The following GRM8 variants were observed in gnomAD, a reference collection of about 807,000 sequenced individuals.
The protein encoded by GRM8 is glutamate metabotropic receptor 8.
In GRM8, 47 loss-of-function variants were observed where a neutral mutation model predicts 87.2. The observed-to-expected ratio is 0.54, with a 90% CI of 0.43 to 0.69. The LOEUF (loss-of-function observed/expected upper bound fraction) is 0.69, where lower values mean the gene tolerates loss of function less well. Among genes scored for constraint, GRM8 ranks in the 30% least tolerant of loss-of-function variants. The pLI, the probability that GRM8 is intolerant of heterozygous loss-of-function variation, is 0.00. For synonymous variants in GRM8, 396 were observed against 404.5 expected (o/e 0.98, Z 0.25); for missense variants, 1,019 against 1,139.2 (o/e 0.89, Z 1.52).
intron 8 of GRM8, among the ~76,000 whole-genome samples, chr7:126,594,811 ACAT>A (rs750282667): frequency 2.0e-5 from 3 of 152,180 alleles, no homozygotes; most frequent in Non-Finnish European, 4.4e-5. Context: ...ATACTTCAAA[ACAT>A]CATGTTGTAC....
At chr7:126,955,600 G>A (rs1380260552) in intron 3 of GRM8, among the ~76,000 whole-genome samples, 1 of 152,114 alleles carries the variant, frequency 6.6e-6, no homozygotes, top group Non-Finnish European at 1.5e-5. Flanking sequence ...GTATTTGAGG[G>A]TGTTCCATAG....
chr7:126,914,740 T>C (rs1803705252), intron 3 of GRM8, among the ~76,000 whole-genome samples: 1 of 152,098 alleles, frequency 6.6e-6, no homozygotes, highest in South Asian at 2.1e-4. Context: ...GACATAAAGA[T>C]GGGAACAATA....
chr7:126,723,541 G>T (rs903593965), intron 7 of GRM8, among the ~76,000 whole-genome samples: 3 of 138,512 alleles, frequency 2.2e-5, no homozygotes, highest in African/African-American at 8.9e-5. Flanking sequence ...AATTATTAAT[G>T]CTCAGAGGCG....
intron 9 of GRM8, among the ~76,000 whole-genome samples, chr7:126,464,844 G>A (rs1218703410): frequency 6.6e-6 from 1 of 151,624 alleles, no homozygotes; most frequent in Admixed American, 6.6e-5. Context: ...ATATCTTAGT[G>A]TATTGTCTAT....
intron 2 of GRM8, among the ~76,000 whole-genome samples, chr7:127,159,759 G>C (rs139385297): frequency 1.3e-5 from 2 of 151,676 alleles, no homozygotes; most frequent in South Asian, 4.2e-4. Flanking sequence ...TAAGAGTTAC[G>C]GTTATTTAAA....
chr7:126,843,969 T>C (rs1796497532), intron 6 of GRM8, among the ~76,000 whole-genome samples: 1 of 152,248 alleles, frequency 6.6e-6, no homozygotes, highest in Admixed American at 6.5e-5. Context: ...AGGGATGTTA[T>C]TACATTATCT....
chr7:126,521,213 T>C (rs1278665894), intron 9 of GRM8, among the ~76,000 whole-genome samples: 4 of 152,152 alleles, frequency 2.6e-5, no homozygotes, highest in East Asian at 3.9e-4. Flanking sequence ...TGAGTCTTAG[T>C]GTATATTCAA....
intron 8 of GRM8, among the ~76,000 whole-genome samples, chr7:126,591,274 G>T (rs908509612): frequency 6.6e-6 from 1 of 152,016 alleles, no homozygotes; most frequent in Admixed American, 6.6e-5. Flanking sequence ...AGTTAAAAAA[G>T]ACAAAGAGGG....
chr7:126,904,520 CTACA>C (rs1206626393), intron 4 of GRM8, 24 bp downstream of exon 4: 1 of 1,606,042 alleles, frequency 6.2e-7, no homozygotes, highest in Non-Finnish European at 8.5e-7. Flanking sequence ...AAATCTGACC[CTACA>C]TACAGAAGAA....
At chr7:127,058,053 T>A in intron 3 of GRM8, 1 of 423,884 alleles carries the variant, frequency 2.4e-6, no homozygotes, top group Admixed American at 2.8e-5. Context: ...GTTGCTCAGT[T>A]TAAAAACCCT....
At chr7:126,948,655 G>A (rs1304231464) in intron 3 of GRM8, among the ~76,000 whole-genome samples, 2 of 152,062 alleles carry the variant, frequency 1.3e-5, no homozygotes, top group Non-Finnish European at 2.9e-5. Context: ...TGGGCGGCTA[G>A]TCCGTGCCTG....
At chr7:126,955,940 C>T (rs538049956) in intron 3 of GRM8, among the ~76,000 whole-genome samples, 49 of 151,988 alleles carry the variant, frequency 3.2e-4, no homozygotes, top group Non-Finnish European at 5.7e-4. Context: ...GATGATATTC[C>T]CATTTTAAAT....
chr7:127,041,083 T>C (rs557001132), intron 3 of GRM8, among the ~76,000 whole-genome samples: 1 of 152,370 alleles, frequency 6.6e-6, no homozygotes, highest in East Asian at 1.9e-4. Flanking sequence ...AAGTAGTTCC[T>C]TTAAATGATA....
chr7:126,726,221 TAAAA>T (rs34547396), intron 7 of GRM8, among the ~76,000 whole-genome samples: 21 of 148,294 alleles, frequency 1.4e-4, no homozygotes, highest in African/African-American at 4.9e-4. Context: ...TGGATCAGGT[TAAAA>T]AAAAAACGTA....
At chr7:126,592,624 C>A (rs1435441069) in intron 8 of GRM8, among the ~76,000 whole-genome samples, 4 of 151,654 alleles carry the variant, frequency 2.6e-5, no homozygotes, top group Non-Finnish European at 5.9e-5. Flanking sequence ...TATAAAAACT[C>A]TCAACAATTA....
intron 8 of GRM8, among the ~76,000 whole-genome samples, chr7:126,582,827 GTTGGTTTACA>G (rs1795735411): frequency 6.6e-6 from 1 of 152,150 alleles, no homozygotes; most frequent in Admixed American, 6.5e-5. Flanking sequence ...TTTCATGTAT[GTTGGTTTACA>G]ACATGGTTTA....
intron 1 of GRM8, among the ~76,000 whole-genome samples, chr7:127,248,472 G>A (rs1462378285): frequency 6.6e-6 from 1 of 152,200 alleles, no homozygotes; most frequent in Non-Finnish European, 1.5e-5. Context: ...TGATAATGAG[G>A]ACTGGGAGTG....
intron 2 of GRM8, among the ~76,000 whole-genome samples, chr7:127,117,729 G>A (rs1404329049): frequency 1.3e-5 from 2 of 152,310 alleles, no homozygotes; most frequent in East Asian, 3.9e-4. Context: ...CATCACTGCT[G>A]ACTTCAAACT....
At chr7:127,184,929 T>A (rs966774718) in intron 2 of GRM8, among the ~76,000 whole-genome samples, 10 of 151,948 alleles carry the variant, frequency 6.6e-5, no homozygotes, top group Non-Finnish European at 1.2e-4. Flanking sequence ...AGAAAATATG[T>A]ATAAGATCTA....
Sources: allele counts gnomAD v4.1 joint callset (sites outside exome capture counted in the v4.1 genomes callset), GRCh38; gene constraint gnomAD v4.1.1; transcripts MANE v1.5; gene names NCBI Gene and HGNC (gene_info 2026-07-23, HGNC 2026-07-21).